Variants in DYNC2H1 observed in about 807,000 individuals in gnomAD.
The protein encoded by DYNC2H1 is cytoplasmic dynein 2 heavy chain 1.
Under a neutral mutation model 570.0 loss-of-function variants are expected in DYNC2H1, and 410 were observed. That is an observed-to-expected ratio of 0.72 (90% confidence interval 0.66 to 0.78). The LOEUF (loss-of-function observed/expected upper bound fraction) is 0.78. Ranked by LOEUF, DYNC2H1 falls within the 30% of genes least tolerant of loss-of-function variation. The pLI is 0.00. For missense variants in DYNC2H1, 4,865 were observed against 5,046.4 expected (o/e 0.96, Z 1.09); for synonymous variants, 1,688 against 1,677.6 (o/e 1.01, Z -0.15).
At chr11:103,211,701 T>C (rs983298307) in intron 53 of DYNC2H1, 88 bp from the exon 54 acceptor site, 8 of 555,126 alleles carry the variant, frequency 1.4e-5, no homozygotes, top group Non-Finnish European at 2.1e-5. Context: ...AAGTATCTTG[T>C]ATAAAATAAC....
intron 55 of DYNC2H1, among the ~76,000 whole-genome samples, chr11:103,217,637 A>G (rs1245403194): frequency 6.6e-6 from 1 of 152,204 alleles, no homozygotes; most frequent in African/African-American, 2.4e-5. Context: ...AACTTAGAAG[A>G]AAACACAGGA....
intron 84 of DYNC2H1, among the ~76,000 whole-genome samples, chr11:103,418,791 C>A (rs1943375251): frequency 6.6e-6 from 1 of 152,156 alleles, no homozygotes; most frequent in Non-Finnish European, 1.5e-5. Flanking sequence ...TCGACCCCAC[C>A]TGGGAAACCA....
At chr11:103,364,204 TC>T (rs1940786146) in intron 83 of DYNC2H1, among the ~76,000 whole-genome samples, 1 of 152,170 alleles carries the variant, frequency 6.6e-6, no homozygotes, top group Non-Finnish European at 1.5e-5. Flanking sequence ...AATATTAACT[TC>T]AGTAGATTCT....
chr11:103,442,949 C>A (rs1944314875), intron 85 of DYNC2H1, among the ~76,000 whole-genome samples: 1 of 147,062 alleles, frequency 6.8e-6, no homozygotes, highest in Non-Finnish European at 1.5e-5. Flanking sequence ...CATTTCAATG[C>A]TTCCCTTGAT....
chr11:103,304,567 A>G (rs760734153), intron 76 of DYNC2H1, 28 bp from the exon 77 acceptor site: 2 of 1,602,164 alleles, frequency 1.2e-6, no homozygotes, highest in Admixed American at 3.4e-5. Context: ...TCTGTTTTTA[A>G]ATTTTGTTTG....
intron 85 of DYNC2H1, among the ~76,000 whole-genome samples, chr11:103,447,222 A>T (rs971666619): frequency 6.6e-6 from 1 of 152,202 alleles, no homozygotes; most frequent in Non-Finnish European, 1.5e-5. Context: ...AGTTTAATTT[A>T]AAAAATACCA....
chr11:103,236,537 C>T lies in DYNC2H1; in HGVS notation c.9817C>T (p.Gln3273Ter), dbSNP rs1322871899. ...CATAGAAAATGCTCTTGTAATATTA[C>T]AGGTAGTTAATTTATTTTAATTTTT... is the stretch of plus-strand genomic sequence containing the variant. ...LSIENALVIL[Q>*]SRVCPFLIDP... is the part of the protein sequence containing the mutation. The change falls in exon 63 of 89, where the codon CAG becomes TAG. Residue 3273 changes from glutamine to a stop codon, truncating the protein, a stop_gained and splice_region_variant. Coordinates refer to ENST00000375735, the MANE Select transcript of DYNC2H1 (RefSeq NM_001377.3). LOFTEE classifies it high-confidence loss of function. 8 of 1,505,234 alleles carry T rather than the reference C, an allele frequency of 5.3e-6. No individual in the cohort carries two copies. Among genetic ancestry groups the T allele is most frequent in the African/African-American group, 1.4e-5 (1 of 71,934 alleles). 93.2% of individuals were successfully genotyped at this position (1,505,234 alleles called of 1,614,324 possible).
chr11:103,303,828 G>C (rs924714966), intron 76 of DYNC2H1, among the ~76,000 whole-genome samples: 1 of 152,070 alleles, frequency 6.6e-6, no homozygotes, highest in African/African-American at 2.4e-5. Context: ...TCTTAAAGCA[G>C]TTATAGGAAA....
chr11:103,398,885 G>A (rs570947443), intron 83 of DYNC2H1, among the ~76,000 whole-genome samples: 1 of 151,984 alleles, frequency 6.6e-6, no homozygotes. Flanking sequence ...CACTGATCTT[G>A]AGCACAAGAT....
intron 87 of DYNC2H1, among the ~76,000 whole-genome samples, chr11:103,466,825 A>T (rs1007239462): frequency 5.3e-5 from 8 of 152,318 alleles, no homozygotes; most frequent in Middle Eastern, 3.4e-3. Context: ...ATAGATTGAT[A>T]GAGTTACTTT....
At chr11:103,358,531 T>C (rs555394603) in intron 83 of DYNC2H1, among the ~76,000 whole-genome samples, 172 bp downstream of exon 83, 2 of 152,282 alleles carry the variant, frequency 1.3e-5, no homozygotes, top group African/African-American at 4.8e-5. Context: ...AGTTAGTATT[T>C]TTTACTCTCT....
intron 83 of DYNC2H1, among the ~76,000 whole-genome samples, chr11:103,393,647 A>G (rs1942267153): frequency 6.6e-6 from 1 of 152,206 alleles, no homozygotes; most frequent in African/African-American, 2.4e-5. Context: ...TTTTAGAAAT[A>G]TGTAATAGCA....
intron 84 of DYNC2H1, among the ~76,000 whole-genome samples, chr11:103,400,262 A>T (rs1942583398): frequency 6.6e-6 from 1 of 151,870 alleles, no homozygotes; most frequent in Admixed American, 6.6e-5. Flanking sequence ...TGCTTTGATT[A>T]AAACCAGTTG....
chr11:103,383,802 C>A (rs1466973429), intron 83 of DYNC2H1, among the ~76,000 whole-genome samples: 2 of 152,104 alleles, frequency 1.3e-5, no homozygotes, highest in Admixed American at 6.6e-5. Context: ...AATAAAAGCA[C>A]TGAAGGCTAT....
chr11:103,318,938 C>A (rs560119502), intron 80 of DYNC2H1, among the ~76,000 whole-genome samples: 2 of 152,068 alleles, frequency 1.3e-5, no homozygotes, highest in African/African-American at 4.8e-5. Context: ...TCCTGCACTA[C>A]GTGAACTGTT....
chr11:103,238,828 A>C lies in DYNC2H1; in HGVS notation c.9819+2289A>C, dbSNP rs184106175. Among the ~76,000 whole-genome samples the C allele has an allele frequency of 7.9e-5, 12 of 152,312 alleles. No individual in the cohort carries two copies. In the East Asian group the frequency reaches 2.3e-3, roughly 29 times the overall value. The stretch of plus-strand genomic sequence containing the variant: ...CAACAGGAATTAGTTTTACTACGTT[A>C]GCAGAAAGCTCATGTGACCTATGTA... On this transcript the variant is annotated intron_variant, in intron 63 of 88. Coordinates refer to ENST00000375735, the MANE Select transcript of DYNC2H1 (RefSeq NM_001377.3).
intron 84 of DYNC2H1, among the ~76,000 whole-genome samples, chr11:103,428,986 C>T (rs902384612): frequency 2.0e-5 from 3 of 151,900 alleles, no homozygotes; most frequent in African/African-American, 4.8e-5. Flanking sequence ...TCTGGCTGGG[C>T]GCAGTGGCTC....
intron 87 of DYNC2H1, among the ~76,000 whole-genome samples, chr11:103,460,490 G>T (rs1376212034): frequency 7.9e-6 from 1 of 125,956 alleles, no homozygotes; most frequent in Non-Finnish European, 1.6e-5. Flanking sequence ...GGGTGGGGTG[G>T]GGGGTGGGCT....
chr11:103,214,948 G>A (rs958584920), intron 54 of DYNC2H1, among the ~76,000 whole-genome samples: 4 of 151,558 alleles, frequency 2.6e-5, no homozygotes, highest in South Asian at 2.1e-4. Context: ...TTCTTTTTCG[G>A]TGAGTTCATT....
Sources: gnomAD v4.1 joint callset for allele counts (sites outside exome capture counted in the v4.1 genomes callset) on GRCh38, gnomAD v4.1.1 for gene constraint, MANE v1.5 for transcripts, NCBI Gene and HGNC (gene_info 2026-07-23, HGNC 2026-07-21) for gene names.